The following FANCL variants were observed in gnomAD, a reference collection of about 807,000 sequenced individuals.
The protein encoded by FANCL is FA complementation group L.
Under a neutral mutation model 59.4 loss-of-function variants are expected in FANCL, and 69 were observed. The observed-to-expected ratio is 1.16, with a 90% CI of 0.96 to 1.42. The LOEUF (loss-of-function observed/expected upper bound fraction) is 1.42, where lower values mean the gene tolerates loss of function less well. Ranked by LOEUF, FANCL falls within the 40% of genes most tolerant of loss-of-function variation. The probability of loss-of-function intolerance (pLI) is 0.00; values close to 1 mark genes in which losing one functional copy is unlikely to be tolerated. For synonymous variants in FANCL, 180 were observed against 147.1 expected (o/e 1.22, Z -1.62); for missense variants, 519 against 447.2 (o/e 1.16, Z -1.45).
At position 58,197,306 on chromosome 2, in the gene FANCL, T is replaced by G. The variant is rs551829131; in HGVS notation, c.540+1288A>C. 1.2e-4 allele frequency among the ~76,000 whole-genome samples: 19 copies of G among 152,222 alleles called. No individual in the cohort carries two copies. The East Asian group carries it at 3.7e-3, about 29-fold the overall frequency. On this transcript the variant is annotated intron_variant, in intron 7 of 13. Transcript: ENST00000233741. Reference sequence around the variant, plus strand: ...ATTTCTTATATATTTACTTTACTCATGTATTTATGTTTTAAAATACAAGCA... The same window carrying G: ...ATTTCTTATATATTTACTTTACTCAGGTATTTATGTTTTAAAATACAAGCA...
chr2:58,201,313 A>G (rs1039137652), intron 6 of FANCL, among the ~76,000 whole-genome samples: 1 of 151,850 alleles, frequency 6.6e-6, no homozygotes, highest in Non-Finnish European at 1.5e-5. Context: ...ATAGTATTTA[A>G]TTATTTTCAA....
intron 1 of FANCL, among the ~76,000 whole-genome samples, chr2:58,239,516 T>C (rs1045473937): frequency 1.3e-5 from 2 of 152,140 alleles, no homozygotes; most frequent in African/African-American, 4.8e-5. Context: ...CTAAATGTAA[T>C]GTGGGATCTT....
At chr2:58,200,534 C>G (rs1689893961) in intron 6 of FANCL, among the ~76,000 whole-genome samples, 1 of 151,984 alleles carries the variant, frequency 6.6e-6, no homozygotes, top group South Asian at 2.1e-4. Flanking sequence ...AATATCAACT[C>G]TCTAACTTCA....
chr2:58,197,225 C>A (rs550502647), intron 7 of FANCL, among the ~76,000 whole-genome samples: 2 of 150,876 alleles, frequency 1.3e-5, no homozygotes, highest in Admixed American at 1.3e-4. Flanking sequence ...ATTAAAATGG[C>A]ATTTTGGCCT....
chr2:58,175,629 G>C (rs566009679), intron 7 of FANCL, among the ~76,000 whole-genome samples: 1 of 152,044 alleles, frequency 6.6e-6, no homozygotes, highest in African/African-American at 2.4e-5. Flanking sequence ...TTGATGGGAC[G>C]TATCTCAAAA....
chr2:58,164,456 TTTC>T (rs1573524546), intron 8 of FANCL, among the ~76,000 whole-genome samples: 1 of 151,980 alleles, frequency 6.6e-6, no homozygotes, highest in African/African-American at 2.4e-5. Flanking sequence ...TGAACAGAAA[TTTC>T]TTATTAGCCC....
intron 5 of FANCL, among the ~76,000 whole-genome samples, chr2:58,205,218 A>G (rs1690468388): frequency 1.3e-5 from 2 of 152,098 alleles, no homozygotes; most frequent in African/African-American, 4.8e-5. Flanking sequence ...CTATATAATG[A>G]TAACATGGGC....
intron 7 of FANCL, among the ~76,000 whole-genome samples, chr2:58,183,832 G>T (rs1391710356): frequency 4.0e-5 from 6 of 151,870 alleles, no homozygotes; most frequent in Admixed American, 3.3e-4. Context: ...CCATGTACAG[G>T]ACTACGTTGG....
intron 7 of FANCL, among the ~76,000 whole-genome samples, chr2:58,196,649 G>A (rs867364909): frequency 1.3e-5 from 2 of 151,878 alleles, no homozygotes; most frequent in Non-Finnish European, 2.9e-5. Context: ...GTCTAGTAGA[G>A]AGTCACAAAC....
chr2:58,221,992 GGGA>G lies in FANCL; in HGVS notation c.321_323del (p.Pro108del), dbSNP rs765176056. Reference sequence around the variant, plus strand: ...CTTCAATAAGGCTTGAGTAGAACTGGGGAGGAGGAGGTAGTGCATACAGCTCTT... The same window carrying G: ...CTTCAATAAGGCTTGAGTAGAACTGGGGAGGAGGTAGTGCATACAGCTCTT... On this transcript the variant is annotated inframe_deletion, in exon 5 of 14. Coordinates refer to ENST00000233741, the MANE Select transcript of FANCL (RefSeq NM_018062.4). 2 of 1,613,498 alleles carry G rather than the reference GGGA, an allele frequency of 1.2e-6. No individual in the cohort carries two copies. The highest frequency in any genetic ancestry group is 2.2e-5 in the South Asian group (2 of 91,076).
At chr2:58,170,751 C>T (rs1686513469) in intron 7 of FANCL, among the ~76,000 whole-genome samples, 1 of 148,102 alleles carries the variant, frequency 6.8e-6, no homozygotes, top group Non-Finnish European at 1.5e-5. Flanking sequence ...AGACTTTAAA[C>T]CAACAAAGAT....
chr2:58,213,380 C>A (rs1691373807), intron 5 of FANCL: 1 of 152,066 alleles, frequency 6.6e-6, no homozygotes, highest in Non-Finnish European at 1.5e-5. Context: ...TGTACCAGAC[C>A]TAATTTAAGA....
chr2:58,204,863 A>G (rs1284952832), intron 5 of FANCL, among the ~76,000 whole-genome samples: 5 of 152,120 alleles, frequency 3.3e-5, no homozygotes, highest in Non-Finnish European at 2.9e-5. Context: ...GCACAAGCAC[A>G]ACTGCTTTGG....
chr2:58,229,757 T>C (rs1693391394), intron 3 of FANCL, 57 bp downstream of exon 3: 2 of 1,293,850 alleles, frequency 1.5e-6, no homozygotes, highest in African/African-American at 1.5e-5. Context: ...TAAAGAACAA[T>C]AAATTTAGTA....
chr2:58,230,875 A>AT (rs1423156867), intron 2 of FANCL, among the ~76,000 whole-genome samples: 1 of 152,168 alleles, frequency 6.6e-6, no homozygotes, highest in Non-Finnish European at 1.5e-5. Flanking sequence ...GCTCAAATAT[A>AT]TATCTTTAAA....
intron 4 of FANCL, among the ~76,000 whole-genome samples, chr2:58,224,071 T>TA (rs1692735064): frequency 6.6e-6 from 1 of 151,896 alleles, no homozygotes; most frequent in Non-Finnish European, 1.5e-5. Context: ...TGAATAAATA[T>TA]ACTAAATAGA....
At chr2:58,212,550 G>A (rs1691288247) in intron 5 of FANCL, among the ~76,000 whole-genome samples, 1 of 152,156 alleles carries the variant, frequency 6.6e-6, no homozygotes. Context: ...TGGTATGCAT[G>A]ATAAGCTACT....
At chr2:58,221,692 A>G (rs2103747531) in intron 5 of FANCL, among the ~76,000 whole-genome samples, 1 of 152,322 alleles carries the variant, frequency 6.6e-6, no homozygotes, top group East Asian at 1.9e-4. Context: ...GAAAGTATCT[A>G]TTACGGTAAC....
chr2:58,187,471 C>T (rs1035750903), intron 7 of FANCL, among the ~76,000 whole-genome samples: 1 of 151,484 alleles, frequency 6.6e-6, no homozygotes, highest in African/African-American at 2.4e-5. Context: ...ATGCAAATGA[C>T]GAGTTAATGG....
Sources: gnomAD v4.1 joint callset for allele counts (sites outside exome capture counted in the v4.1 genomes callset) on GRCh38, gnomAD v4.1.1 for gene constraint, MANE v1.5 for transcripts, NCBI Gene and HGNC (gene_info 2026-07-23, HGNC 2026-07-21) for gene names.